CLEC16A: variants seen among roughly 807,000 people sequenced by gnomAD.
CLEC16A encodes C-type lectin domain containing 16A, also known as protein CLEC16A.
Under a neutral mutation model 109.5 loss-of-function variants are expected in CLEC16A, and 51 were observed. The ratio of observed to expected loss-of-function variants is 0.47; its 90% confidence interval spans 0.37 to 0.59. The LOEUF (loss-of-function observed/expected upper bound fraction) is 0.59. Ranked by LOEUF, CLEC16A falls within the 20% of genes least tolerant of loss-of-function variation. The pLI, the probability that CLEC16A is intolerant of heterozygous loss-of-function variation, is 0.00. For missense variants in CLEC16A, 1,339 were observed against 1,394.0 expected (o/e 0.96, Z 0.63); for synonymous variants, 673 against 564.2 (o/e 1.19, Z -2.73).
intron 19 of CLEC16A, among the ~76,000 whole-genome samples, chr16:11,104,428 A>T (rs2152989797): frequency 6.6e-6 from 1 of 152,238 alleles, no homozygotes; most frequent in Non-Finnish European, 1.5e-5. Flanking sequence ...CACCCAGCAT[A>T]TCCCAGAGGT....
chr16:11,111,642 C>G (rs957550917), intron 19 of CLEC16A, among the ~76,000 whole-genome samples: 5 of 152,198 alleles, frequency 3.3e-5, no homozygotes, highest in African/African-American at 9.7e-5. Context: ...CAGTGCCCCT[C>G]TAGTCTGTGC....
Position 11,166,538 on chromosome 16 carries a change from C to A in CLEC16A, c.2792C>A (p.Ala931Asp). The change falls in exon 23 of 24, where the codon GCC (alanine) becomes GAC (aspartate). Residue 931 changes from alanine (A) to aspartate (D), a missense_variant. Coordinates refer to ENST00000409790, the MANE Select transcript of CLEC16A (RefSeq NM_015226.3). ...AGCTCGTCCTCCACCCCCTCCACAG[C>A]CCAGAGTCCAGCAGGTATTGGCCAC... is the stretch of plus-strand genomic sequence containing the variant. The part of the protein sequence containing the change: ...GTSSSSTPST[A>D]QSPADAPMSP... 2 of 1,602,578 alleles carry A rather than the reference C, an allele frequency of 1.2e-6. No homozygotes were observed. The highest frequency in any genetic ancestry group is 1.7e-6 in the Non-Finnish European group (2 of 1,176,056).
At chr16:11,028,986 G>A (rs565573658) in intron 13 of CLEC16A, among the ~76,000 whole-genome samples, 1 of 152,156 alleles carries the variant, frequency 6.6e-6, no homozygotes, top group Admixed American at 6.5e-5. Context: ...CCTGCTTTTG[G>A]ATTCCTTCCC....
intron 18 of CLEC16A, among the ~76,000 whole-genome samples, chr16:11,056,022 A>T (rs537353718): frequency 2.6e-5 from 4 of 152,336 alleles, no homozygotes; most frequent in African/African-American, 9.6e-5. Flanking sequence ...AGACCAAAAC[A>T]GCAAGGGGTC....
intron 23 of CLEC16A, among the ~76,000 whole-genome samples, chr16:11,176,806 G>A (rs541251382): frequency 5.9e-5 from 9 of 152,310 alleles, no homozygotes; most frequent in Admixed American, 5.9e-4. Context: ...CTTGTGGGGA[G>A]AAATGCCGGT....
chr16:10,946,928 A>G (rs1305754576), intron 1 of CLEC16A, among the ~76,000 whole-genome samples: 1 of 152,240 alleles, frequency 6.6e-6, no homozygotes. Context: ...TGTGCTCATT[A>G]TACTGTCTTT....
chr16:11,092,068 A>G (rs1341677423), intron 19 of CLEC16A, among the ~76,000 whole-genome samples: 1 of 152,174 alleles, frequency 6.6e-6, no homozygotes, highest in Non-Finnish European at 1.5e-5. Context: ...ACTTAGGCCA[A>G]GCACAGTGGC....
intron 1 of CLEC16A, among the ~76,000 whole-genome samples, chr16:10,950,018 C>A (rs1443373422): frequency 1.3e-5 from 2 of 152,222 alleles, no homozygotes; most frequent in African/African-American, 2.4e-5. Context: ...TTGCTGTCTT[C>A]TCTAACTTCT....
At chr16:11,038,859 T>C (rs940381569) in intron 13 of CLEC16A, among the ~76,000 whole-genome samples, 1 of 152,156 alleles carries the variant, frequency 6.6e-6, no homozygotes, top group Non-Finnish European at 1.5e-5. Context: ...AAGGCTTAGC[T>C]TAGTGTCTTT....
chr16:11,020,469 C>G, intron 12 of CLEC16A, 144 bp downstream of exon 12: 9 of 1,064,994 alleles, frequency 8.5e-6, no homozygotes, highest in Non-Finnish European at 1.2e-5. Context: ...TTCTCCAGCT[C>G]TGGCCACCCA....
chr16:11,052,238 G>A (rs1375046118), intron 18 of CLEC16A, among the ~76,000 whole-genome samples: 2 of 152,108 alleles, frequency 1.3e-5, no homozygotes, highest in Non-Finnish European at 2.9e-5. Context: ...TATCTCCCGG[G>A]TAAGATCAGA....
At chr16:11,013,845 A>G (rs1261766407) in intron 11 of CLEC16A, among the ~76,000 whole-genome samples, 1 of 152,036 alleles carries the variant, frequency 6.6e-6, no homozygotes, top group Non-Finnish European at 1.5e-5. Flanking sequence ...AGGCTGAGGC[A>G]GGAGAATTGC....
chr16:11,022,599 G>T (rs1432826251), intron 12 of CLEC16A, among the ~76,000 whole-genome samples: 1 of 151,956 alleles, frequency 6.6e-6, no homozygotes, highest in Non-Finnish European at 1.5e-5. Flanking sequence ...TGCACTGGGG[G>T]TTAAATATAG....
intron 7 of CLEC16A, among the ~76,000 whole-genome samples, chr16:10,975,159 T>A (rs949684403): frequency 3.3e-5 from 5 of 151,970 alleles, no homozygotes; most frequent in African/African-American, 1.2e-4. Context: ...CCTGGCCCCA[T>A]CTCTACTAAA....
At chr16:11,033,165 G>A (rs539628552) in intron 13 of CLEC16A, among the ~76,000 whole-genome samples, 2 of 152,270 alleles carry the variant, frequency 1.3e-5, no homozygotes, top group East Asian at 3.9e-4. Context: ...GAATGTAGGG[G>A]TCGAGTGAAA....
intron 19 of CLEC16A, among the ~76,000 whole-genome samples, chr16:11,113,549 C>T (rs1434952915): frequency 1.3e-5 from 2 of 151,970 alleles, no homozygotes; most frequent in African/African-American, 4.8e-5. Flanking sequence ...GTCCCAGTAA[C>T]TTGGGAGCCT....
At chr16:11,090,917 A>G (rs6498159) in intron 19 of CLEC16A, among the ~76,000 whole-genome samples, 148,647 of 150,784 alleles carry the variant, frequency 0.99, 73,278 homozygotes, top group Middle Eastern at 1. Context: ...TAATCCACCC[A>G]CCTCAGCCTC....
chr16:10,969,016 G>A, intron 3 of CLEC16A, 145 bp from the exon 4 acceptor site: 1 of 615,090 alleles, frequency 1.6e-6, no homozygotes, highest in Admixed American at 3.4e-5. Context: ...CTGGTTAAAA[G>A]TTAAGCTCTT....
At chr16:11,078,877 G>A (rs2049540817) in intron 19 of CLEC16A, among the ~76,000 whole-genome samples, 2 of 152,116 alleles carry the variant, frequency 1.3e-5, no homozygotes, top group Admixed American at 6.6e-5. Context: ...AGCTGTTTAC[G>A]CTTCTCTCCC....
Sources: gnomAD v4.1 joint callset for allele counts (sites outside exome capture counted in the v4.1 genomes callset) on GRCh38, gnomAD v4.1.1 for gene constraint, MANE v1.5 for transcripts, NCBI Gene and HGNC (gene_info 2026-07-23, HGNC 2026-07-21) for gene names.